Variants in KCNB2 observed in about 807,000 individuals in gnomAD.
KCNB2 encodes potassium voltage-gated channel subfamily B member 2.
Under a neutral mutation model 61.5 loss-of-function variants are expected in KCNB2, and 15 were observed. The observed-to-expected ratio is 0.24, with a 90% CI of 0.16 to 0.38. The LOEUF (loss-of-function observed/expected upper bound fraction) is 0.38. Ranked by LOEUF, KCNB2 falls within the 10% of genes least tolerant of loss-of-function variation. The probability of loss-of-function intolerance (pLI) is 1.00; values close to 1 mark genes in which losing one functional copy is unlikely to be tolerated. For missense variants in KCNB2, 828 were observed against 1,125.2 expected (o/e 0.74, Z 3.78); for synonymous variants, 457 against 446.0 (o/e 1.02, Z -0.31).
chr8:72,683,822 A>T (rs1217322179), intron 2 of KCNB2, among the ~76,000 whole-genome samples: 3 of 152,226 alleles, frequency 2.0e-5, no homozygotes, highest in Non-Finnish European at 2.9e-5. Flanking sequence ...GCAGGAGTGC[A>T]GAGATGGGGC....
intron 2 of KCNB2, among the ~76,000 whole-genome samples, chr8:72,638,120 T>G (rs1294162895): frequency 2.6e-5 from 4 of 152,146 alleles, no homozygotes; most frequent in Admixed American, 6.6e-5. Flanking sequence ...ATTCATTCAC[T>G]GTTAGAATTA....
chr8:72,850,195 GTGTGTGTGTGTGTGTGTGTGTGTGTA>G (rs1485576878), intron 2 of KCNB2, among the ~76,000 whole-genome samples: 29 of 36,382 alleles, frequency 8.0e-4, no homozygotes, highest in Non-Finnish European at 1.6e-3. Flanking sequence ...ATGTAAGTGT[GTGTGTGTGTGTGTGTGTGTGTGTGTA>G]TGTGTGTGTG....
At chr8:72,887,776 C>G (rs1805829991) in intron 2 of KCNB2, among the ~76,000 whole-genome samples, 1 of 152,222 alleles carries the variant, frequency 6.6e-6, no homozygotes, top group South Asian at 2.1e-4. Context: ...TGTCCCAACT[C>G]TTCTCATTCA....
chr8:72,729,248 A>G (rs2128993358), intron 2 of KCNB2, among the ~76,000 whole-genome samples: 1 of 152,292 alleles, frequency 6.6e-6, no homozygotes, highest in Non-Finnish European at 1.5e-5. Context: ...GACTTTGCAT[A>G]TTGTTCTGCT....
chr8:72,636,568 T>A (rs1805969939), intron 2 of KCNB2, among the ~76,000 whole-genome samples: 1 of 152,288 alleles, frequency 6.6e-6, no homozygotes, highest in African/African-American at 2.4e-5. Context: ...GTAGATAGTA[T>A]TATGATCCCT....
chr8:72,935,634 T>G (rs181697859), intron 2 of KCNB2, among the ~76,000 whole-genome samples: 1 of 152,258 alleles, frequency 6.6e-6, no homozygotes, highest in East Asian at 1.9e-4. Context: ...AGAGGAGAGA[T>G]AATTACTCCC....
Position 72,937,432 on chromosome 8 carries a change from T to G in KCNB2, c.2077T>G (p.Ser693Ala). 1 of 1,613,890 alleles carries G rather than the reference T, an allele frequency of 6.2e-7. No individual in the cohort carries two copies. Among genetic ancestry groups the G allele is most frequent in the South Asian group, 1.1e-5 (1 of 91,066 alleles). The change falls in exon 3 of 3, where the codon TCT becomes GCT. Residue 693 changes from serine to alanine, a missense_variant. Ser to Ala is a moderately conservative substitution (Grantham distance 99). This residue lies in a region of KCNB2 where 559 missense variants were observed against 588.4 expected (regional missense o/e 0.95). Coordinates refer to ENST00000523207, the MANE Select transcript of KCNB2 (RefSeq NM_004770.3). ...SQCGLHSPLQ[S>A]DNATDSPKSS... The stretch of plus-strand genomic sequence containing the variant: ...GTGTGGGCTACATAGTCCTTTGCAG[T>G]CTGACAATGCCACCGACAGTCCTAA...
chr8:72,622,321 A>T (rs997344290), intron 2 of KCNB2, among the ~76,000 whole-genome samples: 3 of 152,258 alleles, frequency 2.0e-5, no homozygotes, highest in Non-Finnish European at 4.4e-5. Context: ...TCTCAATAAC[A>T]TCTACACAGT....
At position 72,745,686 on chromosome 8, in the gene KCNB2, T is replaced by C. The variant is rs149504828; in HGVS notation, c.579+177373T>C. On this transcript the variant is annotated intron_variant, in intron 2 of 2. Transcript: ENST00000523207. ...GAGTTTTTAATGGGGTTTTATTAAA[T>C]AGGCAAGACTGATTGGATAAGAGAT... Among the ~76,000 whole-genome samples, 351 of 152,232 alleles carry C rather than the reference T, an allele frequency of 2.3e-3. 1 individual carries two copies. The highest frequency in any genetic ancestry group is 7.9e-3 in the African/African-American group (328 of 41,556).
Position 72,568,212 on chromosome 8 carries a change from C to A in KCNB2, c.478C>A (p.Arg160=), listed in dbSNP as rs748825911. 5 of 1,613,892 alleles carry A rather than the reference C, an allele frequency of 3.1e-6. No homozygotes were observed. The highest frequency in any genetic ancestry group is 4.2e-6 in the Non-Finnish European group (5 of 1,180,024). ...EELRREAETM[R]EREGEEFDNT... is the part of the protein sequence containing the mutation. ...ACTGAGGCGAGAGGCAGAGACTATG[C>A]GAGAGCGAGAAGGAGAAGAGTTTGA... The change falls in exon 2 of 3, where the codon CGA becomes AGA. Residue 160 remains arginine, a synonymous_variant. Transcript: ENST00000523207.
intron 2 of KCNB2, among the ~76,000 whole-genome samples, chr8:72,693,675 T>C (rs2128990337): frequency 6.6e-6 from 1 of 152,328 alleles, no homozygotes; most frequent in Admixed American, 6.5e-5. Flanking sequence ...TTTAACCTTA[T>C]CTGTGGACGC....
chr8:72,619,418 C>T lies in KCNB2; in HGVS notation c.579+51105C>T, dbSNP rs1805678961. On this transcript the variant is annotated intron_variant, in intron 2 of 2. Coordinates refer to ENST00000523207, the MANE Select transcript of KCNB2 (RefSeq NM_004770.3). The stretch of plus-strand genomic sequence containing the variant: ...TGTATTACCAGGTAGACATCCCTGT[C>T]CTGGAGCTTGTTGCATTCTAAAAGG... 7.8e-6 allele frequency: 3 copies of T among 385,478 alleles called. No homozygotes were observed. In the South Asian group the frequency reaches 7.9e-5, roughly 10 times the overall value. 23.9% of individuals were successfully genotyped at this position (385,478 alleles called of 1,614,324 possible). A position where few individuals can be genotyped will look rare whatever the true frequency, so the allele number is the denominator to read the frequency against.
intron 2 of KCNB2, among the ~76,000 whole-genome samples, chr8:72,898,617 C>A (rs1434130823): frequency 2.6e-5 from 4 of 152,066 alleles, no homozygotes; most frequent in Non-Finnish European, 5.9e-5. Context: ...CTTTCCTATT[C>A]CTTTCCAACT....
chr8:72,541,734 G>A (rs1324750373), intron 1 of KCNB2, among the ~76,000 whole-genome samples: 2 of 152,068 alleles, frequency 1.3e-5, no homozygotes, highest in Non-Finnish European at 2.9e-5. Context: ...TTATCAGAAT[G>A]CTAACACATT....
intron 1 of KCNB2, among the ~76,000 whole-genome samples, chr8:72,545,558 A>C (rs1043800513): frequency 2.6e-5 from 4 of 152,110 alleles, no homozygotes; most frequent in Non-Finnish European, 4.4e-5. Context: ...CAACTTCTCC[A>C]CTGACTGGCT....
intron 2 of KCNB2, among the ~76,000 whole-genome samples, chr8:72,652,218 A>T (rs956261084): frequency 6.6e-6 from 1 of 152,156 alleles, no homozygotes; most frequent in African/African-American, 2.4e-5. Flanking sequence ...TAAAGAAAAC[A>T]TATCAATGCC....
intron 2 of KCNB2, among the ~76,000 whole-genome samples, chr8:72,846,450 A>G (rs1809995711): frequency 2.6e-5 from 4 of 152,238 alleles, no homozygotes; most frequent in Admixed American, 6.5e-5. Flanking sequence ...ACAGCAAAAG[A>G]AACTACCATC....
At chr8:72,811,430 T>A (rs1458078792) in intron 2 of KCNB2, among the ~76,000 whole-genome samples, 6 of 152,160 alleles carry the variant, frequency 3.9e-5, no homozygotes, top group Non-Finnish European at 7.3e-5. Context: ...TTTTTATTCT[T>A]CCAAGATGGC....
chr8:72,748,619 T>G lies in KCNB2; in HGVS notation c.579+180306T>G, dbSNP rs577122420. 1.2e-3 allele frequency among the ~76,000 whole-genome samples: 186 copies of G among 151,020 alleles called. 2 individuals carry two copies. The highest frequency in any genetic ancestry group is 4.0e-3 in the African/African-American group (166 of 41,378). On this transcript the variant is annotated intron_variant, in intron 2 of 2. Coordinates refer to ENST00000523207, the MANE Select transcript of KCNB2 (RefSeq NM_004770.3). ...TTTGGTTTTTTTTTTGTTGTTTTTT[T>G]TTTTTTGAAATTAAAAGCCAAAAAC...
Sources: gnomAD v4.1 joint callset for allele counts (sites outside exome capture counted in the v4.1 genomes callset) on GRCh38, gnomAD v4.1.1 for gene constraint, gnomAD v4.1.1 regional missense constraint, MANE v1.5 for transcripts, NCBI Gene and HGNC (gene_info 2026-07-23, HGNC 2026-07-21) for gene names.